The following ABCA13 variants were observed in gnomAD, a reference collection of about 807,000 sequenced individuals.
ABCA13 encodes ATP-binding cassette sub-family A member 13.
Under a neutral mutation model 478.7 loss-of-function variants are expected in ABCA13, and 476 were observed. That is an observed-to-expected ratio of 0.99 (90% confidence interval 0.92 to 1.07). ABCA13 has a LOEUF of 1.07. Among genes scored for constraint, ABCA13 ranks in the 50% least tolerant of loss-of-function variants. The pLI is 0.00. For missense variants in ABCA13, 6,060 were observed against 5,910.6 expected, an observed-to-expected ratio of 1.03 and a Z score of -0.83; for synonymous variants, 2,252 against 2,158.9, an observed-to-expected ratio of 1.04 and a Z score of -1.20.
At chr7:48,621,717 CTGTA>C (rs748363096) in intron 59 of ABCA13, among the ~76,000 whole-genome samples, 56 of 152,278 alleles carry the variant, frequency 3.7e-4, no homozygotes, top group Admixed American at 2.2e-3. Context: ...TTCTAAACTG[CTGTA>C]TGTGTTCATA....
rs950091788 is a variant in ABCA13, at chr7:48,577,465, C to T, written c.14355-2759C>T. 2.0e-5 allele frequency among the ~76,000 whole-genome samples: 3 copies of T among 152,074 alleles called. No homozygotes were observed. The East Asian group carries it at 5.8e-4, about 29-fold the overall frequency. On this transcript the variant is annotated intron_variant, in intron 55 of 61. Transcript: ENST00000435803. Reference sequence around the variant, plus strand: ...GGAAATATTTTGAGCAACTCTATGCCCACATCTTTGATAACTTACTTGAAA... The same window carrying T: ...GGAAATATTTTGAGCAACTCTATGCTCACATCTTTGATAACTTACTTGAAA...
rs2130538610 is a variant in ABCA13, at chr7:48,481,173, T to C, written c.13094+19T>C. 1 of 1,517,548 alleles carries C rather than the reference T, an allele frequency of 6.6e-7. No homozygotes were observed. The highest frequency in any genetic ancestry group is 2.4e-5 in the East Asian group (1 of 41,924). 94.0% of individuals were successfully genotyped at this position (1,517,548 alleles called of 1,614,324 possible). ...AACCAAGGTGTGTTCAATACTCTTG[T>C]TGGGTCTTTACTTGTTTGGATTACT... is the stretch of plus-strand genomic sequence containing the variant. On this transcript the variant is annotated intron_variant, in intron 46 of 61. Transcript: ENST00000435803.
chr7:48,419,868 T>C (rs1820514527), intron 41 of ABCA13, among the ~76,000 whole-genome samples: 1 of 152,216 alleles, frequency 6.6e-6, no homozygotes, highest in Non-Finnish European at 1.5e-5. Context: ...ATCTGGAATA[T>C]ATATACAATG....
At position 48,317,058 on chromosome 7, in the gene ABCA13, C is replaced by T. The variant is rs1802697500; in HGVS notation, c.9860-99C>T. On this transcript the variant is annotated intron_variant, in intron 26 of 61. Transcript: ENST00000435803. ...TGGTGTCAGAAAAAAATATGGCTGT[C>T]ATTGAAAATGAGGCATCCTGGATAT... is the stretch of plus-strand genomic sequence containing the variant. 6 of 1,401,694 alleles carry T rather than the reference C, an allele frequency of 4.3e-6. No homozygotes were observed. The South Asian group carries it at 8.3e-5, about 19-fold the overall frequency. The allele number at this position is 1,401,694 out of a possible 1,614,324, so 86.8% of individuals were successfully genotyped here.
chr7:48,474,718 G>A (rs549743347), intron 45 of ABCA13, among the ~76,000 whole-genome samples: 5 of 152,106 alleles, frequency 3.3e-5, no homozygotes, highest in African/African-American at 9.6e-5. Context: ...ATATTTTGGG[G>A]GATTGTTTTC....
intron 31 of ABCA13, among the ~76,000 whole-genome samples, chr7:48,363,798 G>T (rs538641563): frequency 6.6e-6 from 1 of 151,728 alleles, no homozygotes; most frequent in South Asian, 2.1e-4. Context: ...ATATCTTTCT[G>T]CTACTTTACC....
At chr7:48,508,372 TA>T (rs749198551) in intron 50 of ABCA13, among the ~76,000 whole-genome samples, 14 of 152,144 alleles carry the variant, frequency 9.2e-5, no homozygotes, top group Non-Finnish European at 1.2e-4. Context: ...GATGAGGTGA[TA>T]AAAATCATTA....
At chr7:48,394,123 C>T (rs959777558) in intron 38 of ABCA13, among the ~76,000 whole-genome samples, 1 of 152,194 alleles carries the variant, frequency 6.6e-6, no homozygotes, top group Non-Finnish European at 1.5e-5. Flanking sequence ...CTGCCAACTG[C>T]CCTTCAAGGA....
chr7:48,596,400 G>A (rs78708777), intron 58 of ABCA13, among the ~76,000 whole-genome samples: 1 of 152,120 alleles, frequency 6.6e-6, no homozygotes, highest in Admixed American at 6.5e-5. Context: ...ACCACTGTAA[G>A]TATGGAATTC....
intron 23 of ABCA13, among the ~76,000 whole-genome samples, chr7:48,307,610 A>G (rs1801097882): frequency 6.6e-6 from 1 of 152,186 alleles, no homozygotes; most frequent in African/African-American, 2.4e-5. Context: ...ACATTTATAA[A>G]AAAAAATTTC....
intron 6 of ABCA13, among the ~76,000 whole-genome samples, chr7:48,227,983 C>G (rs1788480968): frequency 6.6e-6 from 1 of 152,194 alleles, no homozygotes; most frequent in Non-Finnish European, 1.5e-5. Context: ...CCTGGGGTGA[C>G]CTTTGGGAGC....
chr7:48,490,830 A>C (rs1320009696), intron 48 of ABCA13, among the ~76,000 whole-genome samples: 2 of 152,200 alleles, frequency 1.3e-5, no homozygotes, highest in African/African-American at 4.8e-5. Flanking sequence ...TGTGAGAATA[A>C]GAATGACATA....
At chr7:48,571,645 G>A (rs1435744883) in intron 55 of ABCA13, among the ~76,000 whole-genome samples, 1 of 151,928 alleles carries the variant, frequency 6.6e-6, no homozygotes, top group African/African-American at 2.4e-5. Flanking sequence ...CCCTTTGTCT[G>A]AAGTCTTTGA....
chr7:48,361,152 C>G (rs942866151), intron 31 of ABCA13, among the ~76,000 whole-genome samples: 1 of 151,506 alleles, frequency 6.6e-6, no homozygotes, highest in African/African-American at 2.4e-5. Flanking sequence ...TCTGCTGTGA[C>G]CCCGCTCTAG....
chr7:48,465,145 G>A (rs1222476061), intron 43 of ABCA13, among the ~76,000 whole-genome samples: 1 of 152,164 alleles, frequency 6.6e-6, no homozygotes, highest in Admixed American at 6.5e-5. Context: ...ATTGTGGAGG[G>A]ATTCAAATAC....
intron 42 of ABCA13, among the ~76,000 whole-genome samples, chr7:48,445,596 AT>A (rs1232307872): frequency 6.6e-6 from 1 of 151,976 alleles, no homozygotes; most frequent in African/African-American, 2.4e-5. Flanking sequence ...TCAGTACGTG[AT>A]TTATTTGACT....
intron 29 of ABCA13, among the ~76,000 whole-genome samples, chr7:48,340,828 T>C (rs1409031675): frequency 6.6e-6 from 1 of 151,702 alleles, no homozygotes; most frequent in African/African-American, 2.4e-5. Flanking sequence ...AAATATTGAC[T>C]GTTACTAAGA....
At chr7:48,315,172 G>A (rs910859527) in intron 26 of ABCA13, among the ~76,000 whole-genome samples, 1 of 152,206 alleles carries the variant, frequency 6.6e-6, no homozygotes, top group Non-Finnish European at 1.5e-5. Flanking sequence ...CAATGGATAT[G>A]AGGAGTGTTG....
chr7:48,466,092 G>A (rs1166376500), intron 43 of ABCA13, among the ~76,000 whole-genome samples: 1 of 152,114 alleles, frequency 6.6e-6, no homozygotes, highest in African/African-American at 2.4e-5. Flanking sequence ...TGAAAAGTAA[G>A]AAATCTATAC....
Sources: allele counts gnomAD v4.1 joint callset (sites outside exome capture counted in the v4.1 genomes callset), GRCh38; gene constraint gnomAD v4.1.1; transcripts MANE v1.5; gene names NCBI Gene and HGNC (gene_info 2026-07-23, HGNC 2026-07-21).